Variants in KIAA0232 observed in about 807,000 individuals in gnomAD.
The protein encoded by KIAA0232 is uncharacterized protein KIAA0232.
A neutral mutation model predicts 122.0 loss-of-function variants in KIAA0232; 27 were observed. That is an observed-to-expected ratio of 0.22 (90% CI 0.16 to 0.31). The LOEUF (loss-of-function observed/expected upper bound fraction) is 0.31, where lower values mean the gene tolerates loss of function less well. Among genes scored for constraint, KIAA0232 ranks in the 10% least tolerant of loss-of-function variants. KIAA0232 has a pLI of 1.00. For synonymous variants in KIAA0232, 613 were observed against 587.6 expected (o/e 1.04, Z -0.63); for missense variants, 1,551 against 1,634.2 (o/e 0.95, Z 0.88).
chr4:6,859,147 C>T (rs950888027), intron 6 of KIAA0232, among the ~76,000 whole-genome samples: 1 of 150,052 alleles, frequency 6.7e-6, no homozygotes, highest in Non-Finnish European at 1.5e-5. Context: ...AAATGATTAT[C>T]CATGTTCACA....
intron 7 of KIAA0232, among the ~76,000 whole-genome samples, 195 bp downstream of exon 7, chr4:6,864,378 G>C (rs942918520): frequency 1.3e-5 from 2 of 152,174 alleles, no homozygotes; most frequent in African/African-American, 4.8e-5. Context: ...CTAGACAGTA[G>C]AGTTTTTCTG....
intron 3 of KIAA0232, among the ~76,000 whole-genome samples, chr4:6,831,425 C>T (rs1718974651): frequency 6.6e-6 from 1 of 152,176 alleles, no homozygotes; most frequent in Admixed American, 6.5e-5. Flanking sequence ...GTGATGGCCC[C>T]TCCATCTGAG....
Position 6,882,915 on chromosome 4 carries a change from G to A in KIAA0232, c.*1949G>A, listed in dbSNP as rs1208645338. 6.6e-6 allele frequency: 1 copy of A among 152,542 alleles called. No individual in the cohort carries two copies. Among genetic ancestry groups the A allele is most frequent in the Non-Finnish European group, 1.5e-5 (1 of 68,048 alleles). The allele number at this position is 152,542 out of a possible 1,614,324, so 9.4% of individuals were successfully genotyped here. On this transcript the variant is annotated 3_prime_UTR_variant, in exon 10 of 10. Coordinates refer to ENST00000307659, the MANE Select transcript of KIAA0232 (RefSeq NM_014743.3). ...TTCAGACACAACCTTGAGCACAGTTGATTTTGGACAGCTGCTGTTTATTAG... is the reference window on the plus strand; with the variant it reads ...TTCAGACACAACCTTGAGCACAGTTAATTTTGGACAGCTGCTGTTTATTAG...
intron 3 of KIAA0232, among the ~76,000 whole-genome samples, chr4:6,840,472 C>T (rs566806478): frequency 2.0e-5 from 3 of 152,250 alleles, no homozygotes; most frequent in Non-Finnish European, 2.9e-5. Flanking sequence ...TTCCAAGTGG[C>T]GTGTGCTTTT....
intron 1 of KIAA0232, among the ~76,000 whole-genome samples, chr4:6,792,363 A>G (rs183343031): frequency 1.3e-5 from 2 of 152,312 alleles, no homozygotes; most frequent in African/African-American, 4.8e-5. Context: ...TTTCATGAGT[A>G]ACCACCTTAC....
chr4:6,798,444 G>A (rs900455726), intron 1 of KIAA0232, among the ~76,000 whole-genome samples: 4 of 152,182 alleles, frequency 2.6e-5, no homozygotes, highest in African/African-American at 9.7e-5. Context: ...TGTAGCATTG[G>A]CTACTACTAC....
intron 1 of KIAA0232, among the ~76,000 whole-genome samples, chr4:6,800,039 C>G (rs368542716): frequency 3.0e-5 from 2 of 67,304 alleles, no homozygotes; most frequent in African/African-American, 1.2e-4. Context: ...TTCTTTCTTT[C>G]TTTCTTTTTT....
Position 6,880,061 on chromosome 4 carries a change from G to A in KIAA0232, c.4009-726G>A, listed in dbSNP as rs71612260. Among the ~76,000 whole-genome samples the A allele has an allele frequency of 7.8e-3, 65 of 8,320 alleles. 5 individuals carry two copies. Among genetic ancestry groups the A allele is most frequent in the African/African-American group, 0.033 (52 of 1,564 alleles). The allele number at this position is 8,320 out of a possible 152,430, so 5.5% of individuals were successfully genotyped here. ...TGCAAACTCCCTTCCCAACACAGAGGTCTGCAGTGTCCCCTCACCATCTGT... is the reference window on the plus strand; with the variant it reads ...TGCAAACTCCCTTCCCAACACAGAGATCTGCAGTGTCCCCTCACCATCTGT... On this transcript the variant is annotated intron_variant, in intron 9 of 9. Transcript: ENST00000307659.
intron 3 of KIAA0232, among the ~76,000 whole-genome samples, chr4:6,831,784 A>G (rs1431602538): frequency 1.3e-5 from 2 of 152,184 alleles, no homozygotes; most frequent in African/African-American, 4.8e-5. Context: ...TCTTGCTTGG[A>G]CCTTGGCATC....
chr4:6,842,964 G>T (rs891931041), intron 4 of KIAA0232, among the ~76,000 whole-genome samples: 1 of 152,054 alleles, frequency 6.6e-6, no homozygotes, highest in Non-Finnish European at 1.5e-5. Flanking sequence ...ATTACATTTG[G>T]ATACATTCCT....
chr4:6,860,196 C>T (rs545676134), intron 6 of KIAA0232, among the ~76,000 whole-genome samples: 1 of 152,338 alleles, frequency 6.6e-6, no homozygotes, highest in Non-Finnish European at 1.5e-5. Flanking sequence ...TAAGAAGCTG[C>T]TGTTCCAACT....
chr4:6,792,688 T>TG (rs1716950523), intron 1 of KIAA0232, among the ~76,000 whole-genome samples: 1 of 124,040 alleles, frequency 8.1e-6, no homozygotes, highest in Non-Finnish European at 1.8e-5. Context: ...TAGGTTTTTT[T>TG]TTTTTTGTTT....
rs545595407 is a variant in KIAA0232, at chr4:6,845,998, G to C, written c.369+3794G>C. Among the ~76,000 whole-genome samples the C allele has an allele frequency of 2.0e-5, 3 of 152,026 alleles. No homozygotes were observed. In the South Asian group the frequency reaches 6.2e-4, roughly 32 times the overall value. Reference sequence around the variant, plus strand: ...TTTGATTCTTTAGGTTATTGCTTTGGGAAAATGCTTTCCTTTGCTTGGCTG... The same window carrying C: ...TTTGATTCTTTAGGTTATTGCTTTGCGAAAATGCTTTCCTTTGCTTGGCTG... On this transcript the variant is annotated intron_variant, in intron 4 of 9. Coordinates refer to ENST00000307659, the MANE Select transcript of KIAA0232 (RefSeq NM_014743.3).
intron 1 of KIAA0232, among the ~76,000 whole-genome samples, chr4:6,787,724 C>CT (rs1716692394): frequency 6.6e-6 from 1 of 152,198 alleles, no homozygotes; most frequent in Non-Finnish European, 1.5e-5. Context: ...ACTGGCCTCT[C>CT]TTTTTTCTGG....
chr4:6,807,823 C>T (rs1157860536), intron 2 of KIAA0232, among the ~76,000 whole-genome samples: 2 of 152,204 alleles, frequency 1.3e-5, no homozygotes, highest in Admixed American at 1.3e-4. Context: ...CCTGTAATCC[C>T]AGCACTTTGG....
chr4:6,848,291 T>C (rs1720081807), intron 4 of KIAA0232, among the ~76,000 whole-genome samples: 1 of 152,224 alleles, frequency 6.6e-6, no homozygotes, highest in African/African-American at 2.4e-5. Context: ...CAGAAAACCA[T>C]GTAAAGTATG....
At chr4:6,802,030 C>G (rs573817259) in intron 1 of KIAA0232, among the ~76,000 whole-genome samples, 25 of 152,218 alleles carry the variant, frequency 1.6e-4, no homozygotes, top group African/African-American at 6.0e-4. Flanking sequence ...CTGTTAGTTC[C>G]TTCATGAGTG....
At chr4:6,878,459 AAAAT>A (rs1721875255) in intron 9 of KIAA0232, among the ~76,000 whole-genome samples, 1 of 139,036 alleles carries the variant, frequency 7.2e-6, no homozygotes, top group African/African-American at 3.4e-5. Context: ...TAAAGGACAA[AAAAT>A]AAAATGAGAT....
At chr4:6,866,256 G>T (rs147258556) in intron 7 of KIAA0232, 1 of 981,866 alleles carries the variant, frequency 1.0e-6, no homozygotes, top group Admixed American at 6.1e-5. Flanking sequence ...ATATTCCTTC[G>T]CTTTCTAGTA....
Sources: allele counts gnomAD v4.1 joint callset (sites outside exome capture counted in the v4.1 genomes callset), GRCh38; gene constraint gnomAD v4.1.1; transcripts MANE v1.5; gene names NCBI Gene and HGNC (gene_info 2026-07-23, HGNC 2026-07-21).